The following MARK3 variants were observed in gnomAD, a reference collection of about 807,000 sequenced individuals.
MARK3 encodes the protein MAP/microtubule affinity-regulating kinase 3.
In MARK3, 46 loss-of-function variants were observed where a neutral mutation model predicts 90.1. That is an observed-to-expected ratio of 0.51 (90% CI 0.40 to 0.65). MARK3 has a LOEUF of 0.65. Ranked by LOEUF, MARK3 falls within the 30% of genes least tolerant of loss-of-function variation. The probability of loss-of-function intolerance (pLI) is 0.00; values close to 1 mark genes in which losing one functional copy is unlikely to be tolerated. For missense variants in MARK3, 818 were observed against 947.2 expected, an observed-to-expected ratio of 0.86 and a Z score of 1.79; for synonymous variants, 321 against 332.6, an observed-to-expected ratio of 0.97 and a Z score of 0.38.
At chr14:103,398,579 C>T (rs1051342051) in intron 1 of MARK3, among the ~76,000 whole-genome samples, 1 of 152,092 alleles carries the variant, frequency 6.6e-6, no homozygotes, top group African/African-American at 2.4e-5. Context: ...GCTATGTTTG[C>T]CCAGGCGGGT....
In MARK3 at chr14:103,503,261, A is replaced by G. The variant is rs778172762; in HGVS notation, c.*34A>G. 3 of 1,536,684 alleles carry G rather than the reference A, an allele frequency of 2.0e-6. No homozygotes were observed. Among genetic ancestry groups the G allele is most frequent in the Non-Finnish European group, 2.7e-6 (3 of 1,122,758 alleles). ...TTATGATGTAAATTAAGTAGCAATT[A>G]AAGTGTTTTCCTGAACACTGATGGA... On this transcript the variant is annotated 3_prime_UTR_variant, in exon 18 of 18. Transcript: ENST00000429436.
chr14:103,486,543 T>C (rs916785926), intron 14 of MARK3, among the ~76,000 whole-genome samples: 1 of 152,228 alleles, frequency 6.6e-6, no homozygotes, highest in Admixed American at 6.5e-5. Context: ...TGCTACTGTT[T>C]TGCTTATGTA....
intron 13 of MARK3, 128 bp downstream of exon 13, chr14:103,475,338 A>G (rs575450561): frequency 2.2e-5 from 15 of 683,582 alleles, no homozygotes; most frequent in East Asian, 1.6e-4. Flanking sequence ...GCCATGCCCA[A>G]TCTTAACTTA....
At chr14:103,399,278 G>T (rs2090786174) in intron 1 of MARK3, among the ~76,000 whole-genome samples, 1 of 152,168 alleles carries the variant, frequency 6.6e-6, no homozygotes, top group South Asian at 2.1e-4. Flanking sequence ...GAACTAATAT[G>T]TAAAACAAAA....
intron 14 of MARK3, among the ~76,000 whole-genome samples, chr14:103,483,461 A>G (rs901452668): frequency 1.3e-5 from 2 of 152,226 alleles, no homozygotes; most frequent in Non-Finnish European, 2.9e-5. Context: ...TACTGTAAAC[A>G]GGATATTTTA....
intron 12 of MARK3, among the ~76,000 whole-genome samples, chr14:103,473,024 A>G (rs532345213): frequency 6.6e-6 from 1 of 152,058 alleles, no homozygotes; most frequent in Non-Finnish European, 1.5e-5. Context: ...AAAAAAAGGA[A>G]CAAACTATGA....
chr14:103,402,290 T>TG, intron 1 of MARK3, among the ~76,000 whole-genome samples: 1 of 152,252 alleles, frequency 6.6e-6, no homozygotes, highest in South Asian at 2.1e-4. Flanking sequence ...CGGTGGCTCA[T>TG]GCCTGTAATC....
rs370489844 is a variant in MARK3 at position 103,451,914 on chromosome 14, G to A, written c.347-4G>A. On this transcript the variant is annotated splice_region_variant and splice_polypyrimidine_tract_variant and intron_variant, in intron 4 of 17. Coordinates refer to ENST00000429436, the MANE Select transcript of MARK3 (RefSeq NM_001128918.3). ...TTTCTTCCGTGTCCTCTCCTCTCCC[G>A]CAGTGAAGTTATTCGAAGTCATTGA... 15 of 1,606,854 alleles carry A rather than the reference G, an allele frequency of 9.3e-6. No individual in the cohort carries two copies. The highest frequency in any genetic ancestry group is 2.7e-5 in the African/African-American group (2 of 74,704).
At chr14:103,399,143 G>A (rs925415732) in intron 1 of MARK3, among the ~76,000 whole-genome samples, 11 of 152,098 alleles carry the variant, frequency 7.2e-5, no homozygotes, top group Non-Finnish European at 1.0e-4. Context: ...AATTTTTTAC[G>A]GACTTCCTGC....
At chr14:103,440,165 C>G (rs2092815835) in intron 3 of MARK3, among the ~76,000 whole-genome samples, 1 of 152,172 alleles carries the variant, frequency 6.6e-6, no homozygotes, top group Non-Finnish European at 1.5e-5. Flanking sequence ...TGTCCATTTT[C>G]AAGAATATGT....
chr14:103,448,013 TC>T (rs1488947021), intron 3 of MARK3, among the ~76,000 whole-genome samples: 4 of 152,244 alleles, frequency 2.6e-5, no homozygotes, highest in African/African-American at 9.6e-5. Flanking sequence ...GCTCAAGTGA[TC>T]CACCCACCTT....
At chr14:103,429,645 G>A (rs1250674805) in intron 3 of MARK3, among the ~76,000 whole-genome samples, 1 of 152,126 alleles carries the variant, frequency 6.6e-6, no homozygotes, top group African/African-American at 2.4e-5. Flanking sequence ...TTCTCAAGGT[G>A]GGCATGAAAC....
chr14:103,406,327 C>T (rs917686033), intron 2 of MARK3, among the ~76,000 whole-genome samples: 19 of 151,978 alleles, frequency 1.3e-4, no homozygotes, highest in South Asian at 2.1e-4. Context: ...CAGGTTCAAG[C>T]GTTTCTCTTG....
At chr14:103,399,159 A>G (rs2090778391) in intron 1 of MARK3, among the ~76,000 whole-genome samples, 1 of 152,198 alleles carries the variant, frequency 6.6e-6, no homozygotes, top group Admixed American at 6.5e-5. Flanking sequence ...CCTGCCGGCA[A>G]GGATTTTTTT....
At chr14:103,390,866 A>G (rs1319813118) in intron 1 of MARK3, among the ~76,000 whole-genome samples, 2 of 151,994 alleles carry the variant, frequency 1.3e-5, no homozygotes, top group African/African-American at 4.8e-5. Context: ...GCCCCACCAC[A>G]TGCATGGCTA....
chr14:103,493,713 A>G (rs1023831889), intron 15 of MARK3, among the ~76,000 whole-genome samples: 1 of 151,588 alleles, frequency 6.6e-6, no homozygotes, highest in African/African-American at 2.4e-5. Flanking sequence ...CATCTCTACT[A>G]AAAATACAAA....
chr14:103,425,242 T>TTTA (rs1431218825), intron 2 of MARK3, among the ~76,000 whole-genome samples: 25 of 134,310 alleles, frequency 1.9e-4, no homozygotes, highest in South Asian at 8.7e-4. Context: ...ACCTGGCCTA[T>TTTA]TTATTTATTA....
intron 14 of MARK3, among the ~76,000 whole-genome samples, chr14:103,480,809 G>A (rs1251416049): frequency 6.6e-6 from 1 of 152,156 alleles, no homozygotes; most frequent in East Asian, 1.9e-4. Flanking sequence ...AGATTGTCTT[G>A]TGCTCATTAA....
chr14:103,485,805 G>A (rs532558618), intron 14 of MARK3, among the ~76,000 whole-genome samples: 1 of 152,192 alleles, frequency 6.6e-6, no homozygotes, highest in East Asian at 1.9e-4. Flanking sequence ...GGCCTAGACA[G>A]GAAGATCACT....
Sources: allele counts gnomAD v4.1 joint callset (sites outside exome capture counted in the v4.1 genomes callset), GRCh38; gene constraint gnomAD v4.1.1; transcripts MANE v1.5; gene names NCBI Gene and HGNC (gene_info 2026-07-23, HGNC 2026-07-21).